TPRG1: variants seen among roughly 807,000 people sequenced by gnomAD.
The protein encoded by TPRG1 is tumor protein p63-regulated gene 1 protein.
In TPRG1, 29 loss-of-function variants were observed where a neutral mutation model predicts 29.3. That is an observed-to-expected ratio of 0.99 (90% confidence interval 0.74 to 1.35). TPRG1 has a LOEUF of 1.35. Among genes scored for constraint, TPRG1 ranks in the 40% most tolerant of loss-of-function variants. The probability of loss-of-function intolerance (pLI) is 0.00; values close to 1 mark genes in which losing one functional copy is unlikely to be tolerated. For synonymous variants in TPRG1, 130 were observed against 116.8 expected (o/e 1.11, Z -0.73); for missense variants, 327 against 335.0 (o/e 0.98, Z 0.19).
rs373395025 is a variant in TPRG1, at chr3:189,228,045, T to G, written c.303-10688T>G. On this transcript the variant is annotated intron_variant, in intron 3 of 5. Coordinates refer to ENST00000345063, the MANE Select transcript of TPRG1 (RefSeq NM_198485.4). The stretch of plus-strand genomic sequence containing the variant: ...CTGAGGCAGAAGAATCGCTTGAACC[T>G]GGGAGGCGGAGGTTGCAGTGAGTCG... 1.1e-4 allele frequency among the ~76,000 whole-genome samples: 16 copies of G among 152,124 alleles called. No individual in the cohort carries two copies. In the East Asian group the frequency reaches 2.9e-3, roughly 28 times the overall value.
chr3:189,179,168 A>C (rs1483038615), intron 1 of TPRG1, among the ~76,000 whole-genome samples: 1 of 152,184 alleles, frequency 6.6e-6, no homozygotes, highest in Non-Finnish European at 1.5e-5. Flanking sequence ...TGTCAACTTG[A>C]AGGTCATGCA....
intron 1 of TPRG1, among the ~76,000 whole-genome samples, chr3:189,201,162 TA>T (rs1430824087): frequency 2.0e-5 from 3 of 152,226 alleles, no homozygotes; most frequent in Non-Finnish European, 2.9e-5. Context: ...TTCTGTGGTT[TA>T]TAAATTATTC....
At chr3:189,087,374 T>G (rs1287818735) in intron 4 of TPRG1, among the ~76,000 whole-genome samples, 1 of 152,200 alleles carries the variant, frequency 6.6e-6, no homozygotes, top group African/African-American at 2.4e-5. Context: ...TCTTGTAAAT[T>G]TGTTTGAGTT....
chr3:189,043,892 T>C (rs991947943), intron 4 of TPRG1, among the ~76,000 whole-genome samples: 2 of 152,150 alleles, frequency 1.3e-5, no homozygotes, highest in Non-Finnish European at 2.9e-5. Flanking sequence ...CTCGAGACGA[T>C]GAGGTCTATG....
chr3:189,170,206 G>A (rs1052485134), upstream of TPRG1, among the ~76,000 whole-genome samples: 4 of 152,160 alleles, frequency 2.6e-5, no homozygotes, highest in African/African-American at 9.7e-5. Flanking sequence ...GAGTGGGAAC[G>A]GTATTTGCCT....
chr3:189,121,352 G>T (rs146024943), intron 1 of TPRG1: 33 of 152,256 alleles, frequency 2.2e-4, no homozygotes, highest in African/African-American at 7.7e-4. Flanking sequence ...TTTATGTGAT[G>T]GAATTTTGGC....
intron 3 of TPRG1, among the ~76,000 whole-genome samples, chr3:189,134,658 C>T (rs756269748): frequency 3.3e-5 from 5 of 152,082 alleles, no homozygotes; most frequent in Non-Finnish European, 5.9e-5. Flanking sequence ...CTCAAGCAAT[C>T]GTCTTTCCTC....
intron 4 of TPRG1, 158 bp downstream of exon 4, chr3:189,239,067 AT>A: frequency 1.8e-6 from 1 of 566,680 alleles, no homozygotes; most frequent in Non-Finnish European, 3.0e-6. Context: ...TTCCTACTCT[AT>A]GTCAGCCTCC....
At chr3:189,210,717 AG>A (rs1214350684) in intron 2 of TPRG1, among the ~76,000 whole-genome samples, 4 of 152,220 alleles carry the variant, frequency 2.6e-5, no homozygotes, top group Non-Finnish European at 5.9e-5. Flanking sequence ...TAAGGCCAAG[AG>A]AAGGGGGAGT....
intron 4 of TPRG1, among the ~76,000 whole-genome samples, chr3:189,087,400 A>C (rs1312911591): frequency 1.3e-5 from 2 of 151,876 alleles, no homozygotes; most frequent in Admixed American, 1.3e-4. Context: ...TAGATTCTGG[A>C]TATTAGCCCT....
intron 4 of TPRG1, among the ~76,000 whole-genome samples, chr3:189,301,403 A>T (rs1322073919): frequency 1.3e-5 from 2 of 152,046 alleles, no homozygotes; most frequent in African/African-American, 4.8e-5. Context: ...TTCACATTTT[A>T]AATTACATTT....
chr3:189,321,146 C>CT lies in TPRG1; in HGVS notation c.*346dup, dbSNP rs11391897. The CT allele has an allele frequency of 0.17, 19,274 of 113,926 alleles. 1,936 individuals carry two copies. The highest frequency in any genetic ancestry group is 0.21 in the Non-Finnish European group (11,403 of 55,328). 7.1% of individuals were successfully genotyped at this position (113,926 alleles called of 1,614,324 possible). A position where few individuals can be genotyped will look rare whatever the true frequency, so the allele number is the denominator to read the frequency against. ...GTTGCTTCAGCTCTCTAAATGTAGG[C>CT]TTTTTTTTTTTTTTTTTTTTAGGTC... is the stretch of plus-strand genomic sequence containing the variant. On this transcript the variant is annotated 3_prime_UTR_variant, in exon 6 of 6. Coordinates refer to ENST00000345063, the MANE Select transcript of TPRG1 (RefSeq NM_198485.4).
intron 4 of TPRG1, among the ~76,000 whole-genome samples, chr3:189,056,276 A>G (rs1401465479): frequency 6.6e-6 from 1 of 152,014 alleles, no homozygotes; most frequent in Non-Finnish European, 1.5e-5. Flanking sequence ...TTGTATTTTC[A>G]GTAGAGACGG....
chr3:189,165,608 G>C (rs778825713), intron 5 of TPRG1, among the ~76,000 whole-genome samples: 3 of 151,978 alleles, frequency 2.0e-5, no homozygotes, highest in Non-Finnish European at 4.4e-5. Context: ...GGGGTGAGAG[G>C]CTCTTTCTGG....
chr3:189,206,012 T>TTTCTTTCCTTCCTTCC (rs1734269765), intron 1 of TPRG1, among the ~76,000 whole-genome samples: 1 of 125,646 alleles, frequency 8.0e-6, no homozygotes, highest in Non-Finnish European at 1.7e-5. Flanking sequence ...TGCAGGTACA[T>TTTCTTTCCTTCCTTCC]TTCCTTCCTT....
At chr3:189,074,248 C>A (rs1431174536) in intron 4 of TPRG1, among the ~76,000 whole-genome samples, 1 of 144,938 alleles carries the variant, frequency 6.9e-6, no homozygotes, top group Admixed American at 6.9e-5. Context: ...CTCTGTCACC[C>A]AGGCTGGAGT....
chr3:189,009,403 G>A (rs773904643), intron 3 of TPRG1, among the ~76,000 whole-genome samples: 3 of 152,078 alleles, frequency 2.0e-5, no homozygotes, highest in Admixed American at 6.6e-5. Context: ...GGGTATACTA[G>A]ACCAAGGAGT....
At chr3:189,158,623 A>T (rs866293684) in intron 5 of TPRG1, among the ~76,000 whole-genome samples, 3 of 151,988 alleles carry the variant, frequency 2.0e-5, no homozygotes, top group Non-Finnish European at 2.9e-5. Flanking sequence ...AATAAAAAAA[A>T]ATAATAAGTA....
At chr3:189,152,767 T>TGCCCTCC (rs1726130812) in intron 5 of TPRG1, among the ~76,000 whole-genome samples, 3 of 151,666 alleles carry the variant, frequency 2.0e-5, no homozygotes, top group Admixed American at 2.0e-4. Context: ...GTAGGATTGC[T>TGCCCTCC]ACCCTCCATT....
Sources: allele counts gnomAD v4.1 joint callset (sites outside exome capture counted in the v4.1 genomes callset), GRCh38; gene constraint gnomAD v4.1.1; transcripts MANE v1.5; gene names NCBI Gene and HGNC (gene_info 2026-07-23, HGNC 2026-07-21).